Variants in POLN observed in about 807,000 individuals in gnomAD.
POLN encodes DNA polymerase nu.
A neutral mutation model predicts 113.5 loss-of-function variants in POLN; 108 were observed. That is an observed-to-expected ratio of 0.95 (90% confidence interval 0.81 to 1.12). POLN has a LOEUF of 1.12. Among genes scored for constraint, POLN ranks in the 50% most tolerant of loss-of-function variants. The pLI, the probability that POLN is intolerant of heterozygous loss-of-function variation, is 0.00. For missense variants in POLN, 1,097 were observed against 1,077.1 expected (o/e 1.02, Z -0.26); for synonymous variants, 386 against 391.5 (o/e 0.99, Z 0.17).
At chr4:2,192,312 A>G (rs2108756547) in intron 7 of POLN, among the ~76,000 whole-genome samples, 1 of 152,014 alleles carries the variant, frequency 6.6e-6, no homozygotes, top group East Asian at 1.9e-4. Flanking sequence ...TACAATGAAT[A>G]TTTTTGCTAT....
In POLN at chr4:2,143,981, A is replaced by G. The variant is rs532676826; in HGVS notation, c.1732-12691T>C. Among the ~76,000 whole-genome samples, 3 of 152,252 alleles carry G rather than the reference A, an allele frequency of 2.0e-5. No individual in the cohort carries two copies. In the East Asian group the frequency reaches 5.8e-4, roughly 29 times the overall value. ...AGTGCAACTTATACCCAGCAACTTC[A>G]GGTGGTAATACATTGCCCATGGGAA... On this transcript the variant is annotated intron_variant, in intron 16 of 25. Coordinates refer to ENST00000511885, the MANE Select transcript of POLN (RefSeq NM_181808.4).
rs560930476 is a variant in POLN at position 2,226,170 on chromosome 4, G to A, written c.133+2929C>T. Among the ~76,000 whole-genome samples the A allele has an allele frequency of 4.6e-5, 7 of 152,206 alleles. No individual in the cohort carries two copies. In the East Asian group the frequency reaches 5.8e-4, roughly 13 times the overall value. The stretch of plus-strand genomic sequence containing the variant: ...GAGAAGAATCATTTCAGCTCCAACC[G>A]ATGGGAAGCAAAGAGGCCAGAGAAG... On this transcript the variant is annotated intron_variant, in intron 3 of 25. Coordinates refer to ENST00000511885, the MANE Select transcript of POLN (RefSeq NM_181808.4).
intron 19 of POLN, among the ~76,000 whole-genome samples, chr4:2,097,840 T>G (rs781317436): frequency 6.6e-6 from 1 of 152,218 alleles, no homozygotes; most frequent in Non-Finnish European, 1.5e-5. Flanking sequence ...ATTTGCTTGG[T>G]TGCTGTAAAC....
intron 13 of POLN, among the ~76,000 whole-genome samples, chr4:2,165,347 C>T (rs1732703865): frequency 6.6e-6 from 1 of 152,080 alleles, no homozygotes; most frequent in Admixed American, 6.5e-5. Flanking sequence ...TACTGTGATT[C>T]CAATTTTATA....
chr4:2,072,213 T>C lies in POLN; in HGVS notation c.2604A>G (p.Pro868=), dbSNP rs1215078370. ...TGTTGCTGGGAGACTCAGTGCGACA[T>C]GGGCCTGGCGGAGGGCCCCAGGCCT... The part of the protein sequence containing the change: ...LQEAWGPPPG[P]CRTESPSNSL... The change falls in exon 26 of 26, where the codon CCA becomes CCG. Residue 868 remains proline, a synonymous_variant. Transcript: ENST00000511885. The C allele has an allele frequency of 1.7e-5, 27 of 1,607,526 alleles. No homozygotes were observed. Among genetic ancestry groups the C allele is most frequent in the East Asian group, 2.2e-5 (1 of 44,720 alleles).
chr4:2,190,792 A>T lies in POLN; in HGVS notation c.1021+2412T>A, dbSNP rs182793435. ...AAAATGTTCAACATCACTAATCATA[A>T]GAAAAATGCAAGGAAAATCACAATG... On this transcript the variant is annotated intron_variant, in intron 7 of 25. Transcript: ENST00000511885. 5.9e-5 allele frequency among the ~76,000 whole-genome samples: 9 copies of T among 152,356 alleles called. No individual in the cohort carries two copies. The East Asian group carries it at 1.3e-3, about 23-fold the overall frequency.
chr4:2,142,903 T>A (rs2108732307), intron 16 of POLN, among the ~76,000 whole-genome samples: 1 of 142,318 alleles, frequency 7.0e-6, no homozygotes, highest in East Asian at 2.3e-4. Context: ...TACTGAACCC[T>A]CACCCCCTCT....
intron 16 of POLN, among the ~76,000 whole-genome samples, chr4:2,147,908 G>T (rs1022435449): frequency 6.6e-6 from 1 of 152,080 alleles, no homozygotes; most frequent in African/African-American, 2.4e-5. Context: ...CTCCCAAAGT[G>T]CTGGGATTAC....
chr4:2,081,455 C>A (rs1730417269), intron 22 of POLN, 178 bp downstream of exon 22: 1 of 662,754 alleles, frequency 1.5e-6, no homozygotes, highest in African/African-American at 1.8e-5. Flanking sequence ...GACCGTGTCC[C>A]CTCATGCCTC....
chr4:2,094,288 A>C (rs1394499548), intron 20 of POLN, among the ~76,000 whole-genome samples: 1 of 145,966 alleles, frequency 6.9e-6, no homozygotes, highest in Non-Finnish European at 1.5e-5. Flanking sequence ...GGTTGAGCCA[A>C]TTTTGTGCTC....
At chr4:2,116,780 T>C (rs1339758814) in intron 19 of POLN, among the ~76,000 whole-genome samples, 1 of 152,152 alleles carries the variant, frequency 6.6e-6, no homozygotes, top group Non-Finnish European at 1.5e-5. Flanking sequence ...CCTTCCAAAG[T>C]TGTTCTTGGC....
At position 2,169,802 on chromosome 4, in the gene POLN, G is replaced by A. The variant is rs73199220; in HGVS notation, c.1554+877C>T. The stretch of plus-strand genomic sequence containing the variant: ...AGGAGGACGGGCCCTTCACTAAGGT[G>A]GAGAAAGCTTGAAGAAGAAGAGGAT... On this transcript the variant is annotated intron_variant, in intron 13 of 25. Transcript: ENST00000511885. 4.6e-3 allele frequency among the ~76,000 whole-genome samples: 706 copies of A among 152,314 alleles called. 4 individuals are homozygous for A. Among genetic ancestry groups the A allele is most frequent in the Admixed American group, 8.3e-3 (127 of 15,310 alleles).
intron 19 of POLN, among the ~76,000 whole-genome samples, chr4:2,114,181 G>A (rs1430663404): frequency 2.0e-5 from 3 of 151,994 alleles, no homozygotes; most frequent in Admixed American, 6.6e-5. Flanking sequence ...TTACAGGCAT[G>A]AGCCACCGTG....
chr4:2,121,048 C>CT (rs999881503), intron 19 of POLN, among the ~76,000 whole-genome samples: 5 of 152,088 alleles, frequency 3.3e-5, no homozygotes, highest in Non-Finnish European at 5.9e-5. Flanking sequence ...ATGTCATTTC[C>CT]TTTTTTTATC....
chr4:2,115,714 ACTT>A (rs1200353397), intron 19 of POLN, among the ~76,000 whole-genome samples: 1 of 152,140 alleles, frequency 6.6e-6, no homozygotes, highest in Non-Finnish European at 1.5e-5. Flanking sequence ...AGGACACACC[ACTT>A]CTTATGTCAA....
At chr4:2,181,842 T>C (rs1733150401) in intron 7 of POLN, among the ~76,000 whole-genome samples, 1 of 151,758 alleles carries the variant, frequency 6.6e-6, no homozygotes, top group Admixed American at 6.6e-5. Context: ...CTACTAAAAA[T>C]ACAAAAAATT....
chr4:2,236,529 T>C, intron 2 of POLN: 3 of 1,024,660 alleles, frequency 2.9e-6, no homozygotes, highest in East Asian at 4.9e-5. Context: ...CAATCCACTG[T>C]ATTGGGGCAT....
rs1252513659 is a variant in POLN at position 2,111,795 on chromosome 4, C to T, written c.1983-15862G>A. On this transcript the variant is annotated intron_variant, in intron 19 of 25. Transcript: ENST00000511885. ...GCTCATAAGTAGGAAGAATCAATAT[C>T]GTGAAAATGGCCATACTGCCCAAGG... 1.1e-4 allele frequency among the ~76,000 whole-genome samples: 17 copies of T among 152,222 alleles called. No individual in the cohort carries two copies. In the South Asian group the frequency reaches 2.3e-3, roughly 20 times the overall value.
chr4:2,083,695 G>A (rs1393513287), intron 21 of POLN, among the ~76,000 whole-genome samples: 9 of 152,232 alleles, frequency 5.9e-5, no homozygotes, highest in African/African-American at 2.2e-4. Context: ...GTGCCAGGAT[G>A]GCTAGCAGCA....
Sources: gnomAD v4.1 joint callset for allele counts (sites outside exome capture counted in the v4.1 genomes callset) on GRCh38, gnomAD v4.1.1 for gene constraint, MANE v1.5 for transcripts, NCBI Gene and HGNC (gene_info 2026-07-23, HGNC 2026-07-21) for gene names.